The following MED12L variants were observed in gnomAD, a reference collection of about 807,000 sequenced individuals.
MED12L encodes the protein mediator of RNA polymerase II transcription subunit 12-like protein.
Under a neutral mutation model 281.3 loss-of-function variants are expected in MED12L, and 60 were observed. The ratio of observed to expected loss-of-function variants is 0.21; its 90% CI spans 0.17 to 0.26. MED12L has a LOEUF of 0.26. MED12L is among the 10% of genes least tolerant of loss of function. The probability of loss-of-function intolerance (pLI) is 1.00; values close to 1 mark genes in which losing one functional copy is unlikely to be tolerated. For synonymous variants in MED12L, 974 were observed against 987.2 expected (o/e 0.99, Z 0.25); for missense variants, 2,146 against 2,680.9 (o/e 0.80, Z 4.41).
At chr3:151,286,253 C>G (rs572737169) in intron 16 of MED12L, among the ~76,000 whole-genome samples, 1 of 152,166 alleles carries the variant, frequency 6.6e-6, no homozygotes, top group Non-Finnish European at 1.5e-5. Flanking sequence ...GTTTCTGTCT[C>G]TAAAGGTCTC....
At chr3:151,391,149 C>T (rs1443400834) in intron 38 of MED12L, among the ~76,000 whole-genome samples, 1 of 152,120 alleles carries the variant, frequency 6.6e-6, no homozygotes, top group Non-Finnish European at 1.5e-5. Context: ...GTGCAAAATA[C>T]CTACTTTTTA....
chr3:151,200,427 A>G (rs545530269), intron 16 of MED12L, among the ~76,000 whole-genome samples: 8 of 152,336 alleles, frequency 5.3e-5, no homozygotes, highest in Admixed American at 5.2e-4. Context: ...TATTTTAGCA[A>G]GGAAACATTT....
intron 16 of MED12L, among the ~76,000 whole-genome samples, chr3:151,314,441 G>C (rs1747968865): frequency 6.6e-6 from 1 of 152,140 alleles, no homozygotes; most frequent in South Asian, 2.1e-4. Context: ...TTTAACAGCA[G>C]GGTCACCTTG....
At chr3:151,408,127 T>C (rs1442337537) in intron 39 of MED12L, among the ~76,000 whole-genome samples, 4 of 152,206 alleles carry the variant, frequency 2.6e-5, no homozygotes, top group Non-Finnish European at 5.9e-5. Context: ...CACTGCCAGG[T>C]CTTGCTGGGC....
intron 16 of MED12L, chr3:151,214,059 G>A: frequency 6.2e-7 from 1 of 1,614,162 alleles, no homozygotes; most frequent in Non-Finnish European, 8.5e-7. Context: ...TCAGCTGCCA[G>A]GGACCAAGGC....
chr3:151,193,457 T>TA, intron 15 of MED12L, 33 bp from the exon 16 acceptor site: 1 of 1,586,808 alleles, frequency 6.3e-7, no homozygotes, highest in Non-Finnish European at 8.6e-7. Flanking sequence ...GGCTTTCATT[T>TA]ACAATCTCCA....
intron 5 of MED12L, among the ~76,000 whole-genome samples, chr3:151,129,663 C>T (rs1159037040): frequency 6.6e-6 from 1 of 152,068 alleles, no homozygotes; most frequent in East Asian, 1.9e-4. Context: ...AAGTTTCATT[C>T]ATTCAGCAAA....
intron 14 of MED12L, among the ~76,000 whole-genome samples, chr3:151,191,192 T>G (rs1255942956): frequency 6.6e-6 from 1 of 152,214 alleles, no homozygotes; most frequent in African/African-American, 2.4e-5. Flanking sequence ...GGATTGGAAT[T>G]ATATACTTTC....
At chr3:151,225,863 C>T (rs912652860) in intron 16 of MED12L, among the ~76,000 whole-genome samples, 2 of 152,184 alleles carry the variant, frequency 1.3e-5, no homozygotes, top group Admixed American at 6.5e-5. Context: ...TATTCTATTT[C>T]CTGACCTCTT....
At chr3:151,368,580 A>G (rs1755573556) in intron 25 of MED12L, among the ~76,000 whole-genome samples, 1 of 151,106 alleles carries the variant, frequency 6.6e-6, no homozygotes, top group Non-Finnish European at 1.5e-5. Context: ...GCTTAGGGCA[A>G]TGGTGATTTA....
At chr3:151,348,686 A>C (rs1399043342) in intron 16 of MED12L, among the ~76,000 whole-genome samples, 1 of 152,170 alleles carries the variant, frequency 6.6e-6, no homozygotes, top group Non-Finnish European at 1.5e-5. Flanking sequence ...GTAATGTATA[A>C]TAAAAAAGGA....
chr3:151,344,486 A>G (rs1752288978), intron 16 of MED12L, among the ~76,000 whole-genome samples: 1 of 152,178 alleles, frequency 6.6e-6, no homozygotes, highest in Non-Finnish European at 1.5e-5. Context: ...GTTTTAAGGC[A>G]TCTTTTAAGA....
At chr3:151,412,460 A>G (rs1288312903) in intron 41 of MED12L, among the ~76,000 whole-genome samples, 3 of 152,210 alleles carry the variant, frequency 2.0e-5, no homozygotes, top group African/African-American at 7.2e-5. Flanking sequence ...AGCATCATGT[A>G]AAACGTGTCC....
intron 7 of MED12L, 40 bp from the exon 8 acceptor site, chr3:151,159,792 A>C (rs544666976): frequency 6.4e-7 from 1 of 1,574,472 alleles, no homozygotes; most frequent in Non-Finnish European, 8.7e-7. Context: ...ACCAAGACGC[A>C]TAAGACATGA....
intron 16 of MED12L, among the ~76,000 whole-genome samples, chr3:151,206,618 A>G (rs1029535710): frequency 5.3e-4 from 51 of 96,844 alleles, no homozygotes; most frequent in African/African-American, 1.7e-3. Flanking sequence ...TCCATTTCTT[A>G]TGAACTTATG....
At chr3:151,256,937 C>G (rs927426994) in intron 16 of MED12L, among the ~76,000 whole-genome samples, 1 of 149,174 alleles carries the variant, frequency 6.7e-6, no homozygotes, top group African/African-American at 2.5e-5. Context: ...TTTGCCAAAT[C>G]AAATATCACT....
intron 2 of MED12L, among the ~76,000 whole-genome samples, chr3:151,107,363 T>C (rs985232943): frequency 6.6e-6 from 1 of 152,198 alleles, no homozygotes; most frequent in Non-Finnish European, 1.5e-5. Context: ...CAGAGCATTC[T>C]TGTCTAACTC....
At chr3:151,384,430 A>G (rs1712952763) in intron 35 of MED12L, among the ~76,000 whole-genome samples, 2 of 152,248 alleles carry the variant, frequency 1.3e-5, no homozygotes, top group South Asian at 4.1e-4. Context: ...TTACATTATA[A>G]AACATGTTTA....
intron 23 of MED12L, among the ~76,000 whole-genome samples, chr3:151,367,254 A>G (rs1354921673): frequency 1.3e-5 from 2 of 152,200 alleles, no homozygotes; most frequent in Non-Finnish European, 2.9e-5. Context: ...TTTTTCAACT[A>G]GGGGGAGCCT....
Sources: allele counts gnomAD v4.1 joint callset (sites outside exome capture counted in the v4.1 genomes callset), GRCh38; gene constraint gnomAD v4.1.1; transcripts MANE v1.5; gene names NCBI Gene and HGNC (gene_info 2026-07-23, HGNC 2026-07-21).